Variants in SLX4IP observed in about 807,000 individuals in gnomAD.
SLX4IP encodes protein SLX4IP.
A neutral mutation model predicts 32.9 loss-of-function variants in SLX4IP; 34 were observed. That is an observed-to-expected ratio of 1.03 (90% confidence interval 0.79 to 1.38). SLX4IP has a LOEUF of 1.38. SLX4IP is among the 40% of genes most tolerant of loss of function. The pLI, the probability that SLX4IP is intolerant of heterozygous loss-of-function variation, is 0.00. For synonymous variants in SLX4IP, 172 were observed against 171.7 expected (o/e 1.00, Z -0.01); for missense variants, 444 against 479.0 (o/e 0.93, Z 0.68).
chr20:10,537,029 A>G (rs2066052921), intron 2 of SLX4IP, among the ~76,000 whole-genome samples: 1 of 152,250 alleles, frequency 6.6e-6, no homozygotes, highest in Non-Finnish European at 1.5e-5. Context: ...TATGGTTTTA[A>G]TCAAATTTTA....
At chr20:10,597,249 C>T (rs1340206302) in intron 4 of SLX4IP, among the ~76,000 whole-genome samples, 1 of 152,210 alleles carries the variant, frequency 6.6e-6, no homozygotes, top group Non-Finnish European at 1.5e-5. Flanking sequence ...CTTGGCCACT[C>T]CAGTTTGACA....
intron 6 of SLX4IP, chr20:10,613,190 C>G (rs2066988337): frequency 1.9e-6 from 1 of 527,176 alleles, no homozygotes; most frequent in East Asian, 3.5e-5. Flanking sequence ...GACACTGCCT[C>G]CCTCCACCCT....
chr20:10,449,698 T>A (rs563189886), intron 1 of SLX4IP, among the ~76,000 whole-genome samples: 6 of 152,136 alleles, frequency 3.9e-5, no homozygotes, highest in Non-Finnish European at 7.4e-5. Flanking sequence ...TGGAAACAAG[T>A]GAAAAAGTTA....
At position 10,601,633 on chromosome 20, in the gene SLX4IP, A is replaced by T. The variant is rs2066842999; in HGVS notation, c.317-98A>T. 3 of 896,794 alleles carry T rather than the reference A, an allele frequency of 3.3e-6. No individual in the cohort carries two copies. In the Admixed American group the frequency reaches 5.9e-5, roughly 18 times the overall value. 55.6% of individuals were successfully genotyped at this position (896,794 alleles called of 1,614,324 possible). On this transcript the variant is annotated intron_variant, in intron 5 of 7. Coordinates refer to ENST00000334534, the MANE Select transcript of SLX4IP (RefSeq NM_001009608.3). ...AGACGTATGTTTTATATGGATGTGCATATTGCAGTAACTTAAAATGAACAA... is the reference window on the plus strand; with the variant it reads ...AGACGTATGTTTTATATGGATGTGCTTATTGCAGTAACTTAAAATGAACAA...
chr20:10,605,304 C>A (rs1209947852), intron 6 of SLX4IP, among the ~76,000 whole-genome samples: 1 of 152,096 alleles, frequency 6.6e-6, no homozygotes, highest in African/African-American at 2.4e-5. Flanking sequence ...TGCTAAGTCC[C>A]AGCTCTATAC....
At chr20:10,546,783 A>G (rs1413718314) in intron 2 of SLX4IP, among the ~76,000 whole-genome samples, 1 of 152,126 alleles carries the variant, frequency 6.6e-6, no homozygotes, top group African/African-American at 2.4e-5. Flanking sequence ...TCATTGCCAC[A>G]CCTGCTGTGT....
intron 3 of SLX4IP, among the ~76,000 whole-genome samples, chr20:10,560,491 A>G (rs1333712704): frequency 6.6e-6 from 1 of 152,232 alleles, no homozygotes; most frequent in Non-Finnish European, 1.5e-5. Flanking sequence ...CAGATCACAC[A>G]GTGAGCCAAC....
chr20:10,449,893 CTT>C (rs1343474089), intron 1 of SLX4IP, among the ~76,000 whole-genome samples: 1 of 151,770 alleles, frequency 6.6e-6, no homozygotes, highest in East Asian at 1.9e-4. Context: ...TGATGATACT[CTT>C]TGAAAAATTC....
intron 2 of SLX4IP, among the ~76,000 whole-genome samples, chr20:10,486,654 A>T (rs2065576869): frequency 6.6e-6 from 1 of 152,206 alleles, no homozygotes; most frequent in African/African-American, 2.4e-5. Context: ...TTCATATAAA[A>T]TAGCTTGTTA....
At chr20:10,560,954 CT>C (rs2066326491) in intron 4 of SLX4IP, 134 bp downstream of exon 4, 3 of 927,196 alleles carry the variant, frequency 3.2e-6, no homozygotes, top group Non-Finnish European at 4.3e-6. Flanking sequence ...AATGAAGATA[CT>C]TTGTTTGGGT....
At chr20:10,447,307 T>G (rs879356845) in intron 1 of SLX4IP, among the ~76,000 whole-genome samples, 1 of 152,214 alleles carries the variant, frequency 6.6e-6, no homozygotes, top group Non-Finnish European at 1.5e-5. Context: ...TACCTTGCAT[T>G]GTAGCAGTTT....
chr20:10,613,883 G>T lies in SLX4IP; in HGVS notation c.406-7431G>T, dbSNP rs1301226750. 8 of 1,515,010 alleles carry T rather than the reference G, an allele frequency of 5.3e-6. No homozygotes were observed. In the East Asian group the frequency reaches 1.8e-4, roughly 34 times the overall value. The allele number at this position is 1,515,010 out of a possible 1,614,324, so 93.8% of individuals were successfully genotyped here. ...TGTATGTCTTTTCAAAAGCTTGAACGTCCTCTAAAGATATCTTTTTAAAGA... is the reference window on the plus strand; with the variant it reads ...TGTATGTCTTTTCAAAAGCTTGAACTTCCTCTAAAGATATCTTTTTAAAGA... On this transcript the variant is annotated intron_variant, in intron 6 of 7. Transcript: ENST00000334534.
At chr20:10,561,158 A>G (rs1212957815) in intron 4 of SLX4IP, among the ~76,000 whole-genome samples, 1 of 152,232 alleles carries the variant, frequency 6.6e-6, no homozygotes, top group Non-Finnish European at 1.5e-5. Flanking sequence ...TGATACGTGT[A>G]TACAATGTGT....
chr20:10,466,880 C>T (rs2065385273), intron 2 of SLX4IP, among the ~76,000 whole-genome samples: 1 of 151,512 alleles, frequency 6.6e-6, no homozygotes, highest in Non-Finnish European at 1.5e-5. Flanking sequence ...CTCCCTGCAT[C>T]TTTACTATCA....
chr20:10,599,278 T>C (rs2066812743), intron 5 of SLX4IP, among the ~76,000 whole-genome samples: 1 of 152,200 alleles, frequency 6.6e-6, no homozygotes, highest in Admixed American at 6.5e-5. Flanking sequence ...AAAGAAAATT[T>C]AGTTCACCTT....
chr20:10,480,794 T>G (rs972709175), intron 2 of SLX4IP, among the ~76,000 whole-genome samples: 1 of 152,222 alleles, frequency 6.6e-6, no homozygotes, highest in Non-Finnish European at 1.5e-5. Flanking sequence ...ATTTCCGGAA[T>G]TGTTTCATGC....
At chr20:10,562,729 TTTTA>T (rs1417919675) in intron 4 of SLX4IP, among the ~76,000 whole-genome samples, 2 of 152,192 alleles carry the variant, frequency 1.3e-5, no homozygotes, top group Admixed American at 6.5e-5. Flanking sequence ...ACAGATTTTA[TTTTA>T]TTTATTTATT....
At chr20:10,560,382 C>T (rs1285119108) in intron 3 of SLX4IP, among the ~76,000 whole-genome samples, 2 of 152,190 alleles carry the variant, frequency 1.3e-5, no homozygotes, top group Non-Finnish European at 2.9e-5. Context: ...CATTCTTTAC[C>T]ATACTTATTA....
At chr20:10,504,837 A>G (rs2065745406) in intron 2 of SLX4IP, among the ~76,000 whole-genome samples, 1 of 152,166 alleles carries the variant, frequency 6.6e-6, no homozygotes, top group South Asian at 2.1e-4. Flanking sequence ...CATACCCCCA[A>G]AGTGAATTTT....
Sources: allele counts gnomAD v4.1 joint callset (sites outside exome capture counted in the v4.1 genomes callset), GRCh38; gene constraint gnomAD v4.1.1; transcripts MANE v1.5; gene names NCBI Gene and HGNC (gene_info 2026-07-23, HGNC 2026-07-21).